EPHA3: variants seen among roughly 807,000 people sequenced by gnomAD.
EPHA3 encodes the protein EPH receptor A3, also known as ephrin type-A receptor 3.
In EPHA3, 42 loss-of-function variants were observed where a neutral mutation model predicts 107.1. That is an observed-to-expected ratio of 0.39 (90% CI 0.31 to 0.51). The LOEUF (loss-of-function observed/expected upper bound fraction) is 0.51. Among genes scored for constraint, EPHA3 ranks in the 20% least tolerant of loss-of-function variants. EPHA3 has a pLI of 0.78. For missense variants in EPHA3, 1,183 were observed against 1,211.2 expected, an observed-to-expected ratio of 0.98 and a Z score of 0.35; for synonymous variants, 461 against 424.8, an observed-to-expected ratio of 1.09 and a Z score of -1.05.
rs547725693 is a variant in EPHA3, at chr3:89,352,670, G to A, written c.1306+10580G>A. On this transcript the variant is annotated intron_variant, in intron 5 of 16. Transcript: ENST00000336596. The stretch of plus-strand genomic sequence containing the variant: ...TGTAATTCCAGCACTTTGGGAGGCC[G>A]AAGCGGGTGGATCACTTGAGGTCAG... Among the ~76,000 whole-genome samples the A allele has an allele frequency of 2.6e-3, 397 of 150,914 alleles. 12 individuals carry two copies. The highest frequency in any genetic ancestry group is 3.5e-3 in the Non-Finnish European group (233 of 67,446).
In EPHA3 at chr3:89,211,522, T is replaced by A. The variant is rs149829324; in HGVS notation, c.814+1002T>A. Among the ~76,000 whole-genome samples the A allele has an allele frequency of 5.7e-3, 867 of 152,212 alleles. 7 individuals are homozygous for A. The highest frequency in any genetic ancestry group is 0.02 in the African/African-American group (812 of 41,564). On this transcript the variant is annotated intron_variant, in intron 3 of 16. Transcript: ENST00000336596. ...GTCTGGTGTTCTACTCCTGATCGCATAATCAGTCACTTTTCTCAAATGCAA... is the reference window on the plus strand; with the variant it reads ...GTCTGGTGTTCTACTCCTGATCGCAAAATCAGTCACTTTTCTCAAATGCAA...
In EPHA3 at chr3:89,341,962, C is replaced by T. The variant is rs1211409809; in HGVS notation, c.1178C>T (p.Thr393Met). The T allele has an allele frequency of 2.5e-6, 4 of 1,613,460 alleles. No homozygotes were observed. The highest frequency in any genetic ancestry group is 1.3e-5 in the African/African-American group (1 of 74,802). Residue 393 changes from threonine to methionine, a missense_variant, in exon 5 of 17, where the codon ACG (threonine) becomes ATG (methionine). By Grantham distance (81) the Thr-to-Met change is moderately conservative. Coordinates refer to ENST00000336596, the MANE Select transcript of EPHA3 (RefSeq NM_005233.6). ...LPRQFGLTNT[T>M]VTVTDLLAHT... The stretch of plus-strand genomic sequence containing the variant: ...CGACAGTTTGGACTCACCAACACCA[C>T]GGTGACAGTGACAGACCTTCTGGCA...
intron 12 of EPHA3, among the ~76,000 whole-genome samples, chr3:89,429,706 CTATCT>C (rs1324002516): frequency 6.8e-6 from 1 of 147,094 alleles, no homozygotes; most frequent in Non-Finnish European, 1.5e-5. Context: ...ATCTATCTAT[CTATCT>C]ATCTATCTAT....
intron 3 of EPHA3, among the ~76,000 whole-genome samples, chr3:89,251,908 G>A (rs1427825605): frequency 6.6e-6 from 1 of 151,932 alleles, no homozygotes; most frequent in Non-Finnish European, 1.5e-5. Flanking sequence ...TTTAAAGTAT[G>A]TTTTGTATGT....
chr3:89,124,867 A>G (rs1295448292), intron 1 of EPHA3, among the ~76,000 whole-genome samples: 2 of 151,982 alleles, frequency 1.3e-5, no homozygotes, highest in Non-Finnish European at 2.9e-5. Flanking sequence ...AATAAATTTA[A>G]TTAATCTTCT....
chr3:89,322,797 C>T (rs1014704622), intron 3 of EPHA3, among the ~76,000 whole-genome samples: 4 of 152,006 alleles, frequency 2.6e-5, no homozygotes, highest in African/African-American at 9.7e-5. Context: ...GCATGGTAAA[C>T]GTATTAGATA....
intron 5 of EPHA3, among the ~76,000 whole-genome samples, chr3:89,372,427 A>G (rs545650387): frequency 5.1e-4 from 77 of 151,728 alleles, no homozygotes; most frequent in Non-Finnish European, 1.0e-3. Context: ...AGCAGCTTTT[A>G]TTCATATATA....
At chr3:89,411,118 T>C (rs1709148627) in intron 9 of EPHA3, among the ~76,000 whole-genome samples, 1 of 151,798 alleles carries the variant, frequency 6.6e-6, no homozygotes, top group Non-Finnish European at 1.5e-5. Flanking sequence ...ATACATTGAG[T>C]GAGAACTATG....
At chr3:89,298,267 C>G (rs1282279416) in intron 3 of EPHA3, among the ~76,000 whole-genome samples, 3 of 152,100 alleles carry the variant, frequency 2.0e-5, no homozygotes, top group Non-Finnish European at 4.4e-5. Flanking sequence ...AATGGCCTTT[C>G]TCTCTCTCTG....
chr3:89,243,472 T>C (rs1010893036), intron 3 of EPHA3, among the ~76,000 whole-genome samples: 3 of 152,168 alleles, frequency 2.0e-5, no homozygotes, highest in African/African-American at 4.8e-5. Flanking sequence ...TGGTATCTCA[T>C]TGTGGTTTTG....
intron 3 of EPHA3, among the ~76,000 whole-genome samples, chr3:89,246,113 A>G (rs60893359): frequency 0.023 from 3,535 of 152,226 alleles, 148 homozygotes; most frequent in African/African-American, 0.081. Context: ...ATCCACTGAG[A>G]TAGTGACTTA....
At chr3:89,392,051 C>CCAGTTT (rs1366441612) in intron 5 of EPHA3, among the ~76,000 whole-genome samples, 11 of 152,206 alleles carry the variant, frequency 7.2e-5, no homozygotes, top group African/African-American at 2.4e-4. Flanking sequence ...AATGCCTGCA[C>CCAGTTT]CAGTTTCTCA....
intron 13 of EPHA3, among the ~76,000 whole-genome samples, chr3:89,447,220 T>C (rs1471501856): frequency 5.3e-5 from 8 of 152,202 alleles, no homozygotes; most frequent in Non-Finnish European, 1.2e-4. Context: ...ATCTTTTCTC[T>C]GGCTCCGGTC....
At position 89,480,453 on chromosome 3, in the gene EPHA3, A is replaced by G. The variant is rs1317464156; in HGVS notation, c.*951A>G. 1 of 233,362 alleles carries G rather than the reference A, an allele frequency of 4.3e-6. No homozygotes were observed. The highest frequency in any genetic ancestry group is 1.8e-4 in the South Asian group (1 of 5,526). 14.5% of individuals were successfully genotyped at this position (233,362 alleles called of 1,614,324 possible). On this transcript the variant is annotated 3_prime_UTR_variant, in exon 17 of 17. Coordinates refer to ENST00000336596, the MANE Select transcript of EPHA3 (RefSeq NM_005233.6). The stretch of plus-strand genomic sequence containing the variant: ...CCAGCTTGTATGCAATGGATTTTCA[A>G]CCAGATAACATACCTTTCCTGCTCT...
chr3:89,139,585 G>A (rs1442875295), intron 2 of EPHA3, among the ~76,000 whole-genome samples: 7 of 151,722 alleles, frequency 4.6e-5, no homozygotes, highest in Non-Finnish European at 7.4e-5. Context: ...TCCATTAAAG[G>A]CAGCAAAATT....
intron 2 of EPHA3, among the ~76,000 whole-genome samples, chr3:89,162,297 C>T (rs1461612446): frequency 1.3e-5 from 2 of 152,122 alleles, no homozygotes; most frequent in East Asian, 3.9e-4. Flanking sequence ...AGGAACATGC[C>T]ATACTCCAAA....
intron 3 of EPHA3, among the ~76,000 whole-genome samples, chr3:89,265,302 C>T (rs1705510653): frequency 6.6e-6 from 1 of 152,056 alleles, no homozygotes; most frequent in Non-Finnish European, 1.5e-5. Context: ...ATGGGGAATC[C>T]CTGACCACAT....
chr3:89,320,591 C>G (rs1019032632), intron 3 of EPHA3, among the ~76,000 whole-genome samples: 13 of 123,192 alleles, frequency 1.1e-4, no homozygotes, highest in Non-Finnish European at 1.6e-4. Flanking sequence ...TGAAACAATC[C>G]CATGGACTTT....
At chr3:89,162,435 T>G (rs1704971033) in intron 2 of EPHA3, among the ~76,000 whole-genome samples, 1 of 152,322 alleles carries the variant, frequency 6.6e-6, no homozygotes, top group South Asian at 2.1e-4. Context: ...GAATTTGTTC[T>G]TTGAGGATCT....
Sources: gnomAD v4.1 joint callset for allele counts (sites outside exome capture counted in the v4.1 genomes callset) on GRCh38, gnomAD v4.1.1 for gene constraint, MANE v1.5 for transcripts, NCBI Gene and HGNC (gene_info 2026-07-23, HGNC 2026-07-21) for gene names.